Variants in ARHGEF7 observed in about 807,000 individuals in gnomAD.
ARHGEF7 encodes Rho guanine nucleotide exchange factor 7, also known as PAK-interacting exchange factor beta.
ARHGEF7 carries 33 observed loss-of-function variants against 109.8 expected under a neutral mutation model. The ratio of observed to expected loss-of-function variants is 0.30; its 90% CI spans 0.23 to 0.40. The LOEUF (loss-of-function observed/expected upper bound fraction) is 0.40, where lower values mean the gene tolerates loss of function less well. ARHGEF7 is among the 10% of genes least tolerant of loss of function. The pLI is 1.00. For missense variants in ARHGEF7, 938 were observed against 1,098.5 expected (o/e 0.85, Z 2.07); for synonymous variants, 458 against 424.6 (o/e 1.08, Z -0.97).
intron 8 of ARHGEF7, among the ~76,000 whole-genome samples, chr13:111,261,597 A>G (rs1945120426): frequency 6.6e-6 from 1 of 152,228 alleles, no homozygotes; most frequent in African/African-American, 2.4e-5. Context: ...GTACTTTAGA[A>G]CAAATCAATC....
intron 11 of ARHGEF7, among the ~76,000 whole-genome samples, chr13:111,275,011 A>G (rs560238702): frequency 2.0e-5 from 3 of 152,372 alleles, no homozygotes; most frequent in South Asian, 4.1e-4. Context: ...TGTTAGATCT[A>G]CTTTAAAATT....
chr13:111,127,041 T>A (rs2067608469), intron 1 of ARHGEF7, among the ~76,000 whole-genome samples: 1 of 152,148 alleles, frequency 6.6e-6, no homozygotes, highest in Admixed American at 6.5e-5. Flanking sequence ...GTGGACTGAT[T>A]AGGAAAAACG....
rs572421990 is a variant in ARHGEF7, at chr13:111,274,074, A to G, written c.1212+122A>G. ...AGAAGCCAGAACCAACAGAGTTTAC[A>G]AAGAGTTTTGTTAAATATTATGTTT... On this transcript the variant is annotated intron_variant, in intron 10 of 21. Coordinates refer to ENST00000646102, the MANE Select transcript of ARHGEF7 (RefSeq NM_001354046.2). 7.3e-6 allele frequency: 9 copies of G among 1,231,964 alleles called. No homozygotes were observed. The East Asian group carries it at 2.3e-4, about 31-fold the overall frequency. 76.3% of individuals were successfully genotyped at this position (1,231,964 alleles called of 1,614,324 possible).
At chr13:111,294,604 A>C (rs2093383784) in intron 19 of ARHGEF7, 1 of 985,334 alleles carries the variant, frequency 1.0e-6, no homozygotes, top group East Asian at 1.1e-4. Context: ...GTCTAACACC[A>C]TTAGCTTTTG....
intron 8 of ARHGEF7, among the ~76,000 whole-genome samples, chr13:111,244,572 G>A (rs2088433163): frequency 6.6e-6 from 1 of 152,176 alleles, no homozygotes; most frequent in African/African-American, 2.4e-5. Flanking sequence ...AAGGAGAATG[G>A]CCTGACACCA....
intron 13 of ARHGEF7, among the ~76,000 whole-genome samples, chr13:111,278,312 ATTC>A (rs761538453): frequency 6.6e-6 from 1 of 152,098 alleles, no homozygotes; most frequent in Non-Finnish European, 1.5e-5. Flanking sequence ...GGCAGGTTTC[ATTC>A]TTCTTTTTCT....
chr13:111,132,962 ACATG>A (rs983537944), intron 1 of ARHGEF7, among the ~76,000 whole-genome samples: 2 of 152,136 alleles, frequency 1.3e-5, no homozygotes, highest in African/African-American at 4.8e-5. Context: ...GCATATACAC[ACATG>A]CATCTGTACA....
chr13:111,209,035 T>C (rs1594745319), intron 3 of ARHGEF7, among the ~76,000 whole-genome samples: 1 of 152,204 alleles, frequency 6.6e-6, no homozygotes, highest in East Asian at 1.9e-4. Flanking sequence ...TTCAGAATTT[T>C]ATAAGATACG....
intron 18 of ARHGEF7, among the ~76,000 whole-genome samples, chr13:111,291,502 C>G (rs2093283735): frequency 6.6e-6 from 1 of 152,252 alleles, no homozygotes; most frequent in Non-Finnish European, 1.5e-5. Context: ...GGGCCCTGCC[C>G]AATCCTTTTC....
intron 1 of ARHGEF7, among the ~76,000 whole-genome samples, chr13:111,150,625 G>A (rs992417954): frequency 2.0e-5 from 3 of 152,106 alleles, no homozygotes; most frequent in African/African-American, 7.2e-5. Context: ...GCTGTCCCAC[G>A]CTGTGCCAAC....
intron 15 of ARHGEF7, among the ~76,000 whole-genome samples, chr13:111,281,663 C>T (rs551723657): frequency 8.5e-5 from 13 of 152,262 alleles, no homozygotes; most frequent in East Asian, 1.9e-4. Context: ...TGTGTGTACA[C>T]GTGTGTTTAT....
intron 16 of ARHGEF7, among the ~76,000 whole-genome samples, chr13:111,285,108 G>A (rs1001934021): frequency 5.9e-5 from 9 of 152,120 alleles, no homozygotes; most frequent in African/African-American, 2.2e-4. Flanking sequence ...GGCTTCTGGG[G>A]TACCTATTAC....
chr13:111,253,840 C>T (rs191172446), intron 8 of ARHGEF7, among the ~76,000 whole-genome samples: 2 of 152,334 alleles, frequency 1.3e-5, no homozygotes, highest in East Asian at 1.9e-4. Flanking sequence ...CAGGGCCACC[C>T]GATGACCTCT....
intron 18 of ARHGEF7, among the ~76,000 whole-genome samples, chr13:111,289,509 A>G (rs1156762300): frequency 4.6e-5 from 7 of 152,176 alleles, no homozygotes; most frequent in Admixed American, 4.6e-4. Flanking sequence ...TCCTTTTGAG[A>G]ACTGGATGAT....
intron 8 of ARHGEF7, among the ~76,000 whole-genome samples, chr13:111,249,263 C>T (rs1408436819): frequency 1.3e-5 from 2 of 152,080 alleles, no homozygotes; most frequent in Non-Finnish European, 2.9e-5. Context: ...CCTGCCCGTT[C>T]TTTTTTCCAA....
chr13:111,272,675 G>A lies in ARHGEF7; in HGVS notation c.1074-1139G>A, dbSNP rs934648824. ...CTGGGTCTCCTGGATGGGATGTGGT[G>A]ACTGAGAAGTCATCCTGGTCTGGAC... On this transcript the variant is annotated intron_variant, in intron 9 of 21. Coordinates refer to ENST00000646102, the MANE Select transcript of ARHGEF7 (RefSeq NM_001354046.2). The surrounding 1 kb of genome is among the most constrained non-coding windows in gnomAD (Gnocchi z 5.2). Among the ~76,000 whole-genome samples, 2 of 152,092 alleles carry A rather than the reference G, an allele frequency of 1.3e-5. No homozygotes were observed. The highest frequency in any genetic ancestry group is 6.5e-5 in the Admixed American group (1 of 15,276).
intron 16 of ARHGEF7, among the ~76,000 whole-genome samples, chr13:111,285,812 T>G (rs1473879183): frequency 6.6e-6 from 1 of 152,026 alleles, no homozygotes; most frequent in African/African-American, 2.4e-5. Flanking sequence ...TCCTCCTCCC[T>G]CAGGAGCGTG....
At chr13:111,203,218 G>T in intron 2 of ARHGEF7, 1 of 630,378 alleles carries the variant, frequency 1.6e-6, no homozygotes, top group African/African-American at 2.0e-5. Flanking sequence ...GATCTGTAGA[G>T]CTGAAAGACA....
chr13:111,299,793 C>T (rs1182435886), intron 19 of ARHGEF7, among the ~76,000 whole-genome samples: 2 of 152,128 alleles, frequency 1.3e-5, no homozygotes, highest in Non-Finnish European at 2.9e-5. Context: ...ACCCAGCAAG[C>T]GGAAGCACTG....
Sources: gnomAD v4.1 joint callset for allele counts (sites outside exome capture counted in the v4.1 genomes callset) on GRCh38, gnomAD v4.1.1 for gene constraint, Gnocchi (gnomAD v3.1) non-coding constraint, MANE v1.5 for transcripts, NCBI Gene and HGNC (gene_info 2026-07-23, HGNC 2026-07-21) for gene names.